Variants in GTF2F2 observed in about 807,000 individuals in gnomAD.
The protein encoded by GTF2F2 is ATP-dependent helicase GTF2F2.
A neutral mutation model predicts 42.2 loss-of-function variants in GTF2F2; 23 were observed. The observed-to-expected ratio is 0.55, with a 90% confidence interval of 0.39 to 0.77. The LOEUF (loss-of-function observed/expected upper bound fraction) is 0.77. GTF2F2 is among the 30% of genes least tolerant of loss of function. The pLI is 0.00. For synonymous variants in GTF2F2, 105 were observed against 100.8 expected, an observed-to-expected ratio of 1.04 and a Z score of -0.25; for missense variants, 261 against 287.2, an observed-to-expected ratio of 0.91 and a Z score of 0.66.
chr13:45,190,767 T>C (rs1008181813), intron 4 of GTF2F2, among the ~76,000 whole-genome samples: 1 of 152,126 alleles, frequency 6.6e-6, no homozygotes, highest in South Asian at 2.1e-4. Context: ...TTTTGTTTTT[T>C]TTGAGACAGA....
chr13:45,193,555 A>G, intron 4 of GTF2F2: 2 of 471,206 alleles, frequency 4.2e-6, no homozygotes, highest in Non-Finnish European at 7.5e-6. Flanking sequence ...TTTACAGTAT[A>G]TAGAAGGTTA....
chr13:45,264,484 G>C (rs1242537622), intron 6 of GTF2F2, among the ~76,000 whole-genome samples: 1 of 151,758 alleles, frequency 6.6e-6, no homozygotes, highest in African/African-American at 2.4e-5. Context: ...TGGCCGTGCT[G>C]GTCTTGAACT....
In GTF2F2 at chr13:45,194,144, A is replaced by G. The variant is rs1484545008; in HGVS notation, c.305-13280A>G. On this transcript the variant is annotated intron_variant, in intron 4 of 7. Coordinates refer to ENST00000340473, the MANE Select transcript of GTF2F2 (RefSeq NM_004128.3). ...TCGTGGTTATCTGTTATTTCCAAGA[A>G]AGTAGTCTCTCTGGGTGTTAGCTGT... 1.9e-6 allele frequency: 3 copies of G among 1,613,984 alleles called. No homozygotes were observed. The African/African-American group carries it at 4.0e-5, about 22-fold the overall frequency.
chr13:45,229,525 T>G (rs1032271259), intron 5 of GTF2F2, among the ~76,000 whole-genome samples: 28 of 152,234 alleles, frequency 1.8e-4, no homozygotes, highest in Non-Finnish European at 2.6e-4. Flanking sequence ...AGGCTTTTTT[T>G]GGGGATAGAA....
chr13:45,159,230 C>T (rs1870915797), intron 4 of GTF2F2, among the ~76,000 whole-genome samples: 1 of 152,188 alleles, frequency 6.6e-6, no homozygotes, highest in African/African-American at 2.4e-5. Context: ...TGACTAAGAA[C>T]ATACTAGTTT....
At chr13:45,255,012 C>G (rs995725090) in intron 6 of GTF2F2, among the ~76,000 whole-genome samples, 1 of 151,722 alleles carries the variant, frequency 6.6e-6, no homozygotes, top group African/African-American at 2.4e-5. Flanking sequence ...ACTAAAAATA[C>G]AAAAATTAGC....
intron 5 of GTF2F2, among the ~76,000 whole-genome samples, chr13:45,237,642 C>T (rs1660101285): frequency 6.6e-6 from 1 of 152,326 alleles, no homozygotes; most frequent in Non-Finnish European, 1.5e-5. Context: ...ACCAAGGTCA[C>T]ACCTAGGGAT....
chr13:45,253,140 C>T (rs1189366846), intron 6 of GTF2F2, among the ~76,000 whole-genome samples, 170 bp downstream of exon 6: 2 of 151,676 alleles, frequency 1.3e-5, no homozygotes, highest in Non-Finnish European at 2.9e-5. Flanking sequence ...GCTAAAAGTA[C>T]AGAAAAGATG....
At chr13:45,167,883 T>C (rs1871371991) in intron 4 of GTF2F2, among the ~76,000 whole-genome samples, 1 of 152,172 alleles carries the variant, frequency 6.6e-6, no homozygotes. Flanking sequence ...AAAGAACCTT[T>C]CTTGAGAATA....
chr13:45,148,199 C>T (rs964378267), intron 2 of GTF2F2, among the ~76,000 whole-genome samples: 2 of 152,116 alleles, frequency 1.3e-5, no homozygotes, highest in Admixed American at 1.3e-4. Context: ...ATTGGTCTTC[C>T]TATCTCTAGT....
At chr13:45,278,827 T>C (rs1412595061) in intron 7 of GTF2F2, among the ~76,000 whole-genome samples, 1 of 136,252 alleles carries the variant, frequency 7.3e-6, no homozygotes, top group South Asian at 2.5e-4. Context: ...TTTTTTTTTT[T>C]TTTTTTTTTT....
intron 4 of GTF2F2, among the ~76,000 whole-genome samples, chr13:45,198,162 G>A (rs1460894414): frequency 1.3e-5 from 2 of 152,136 alleles, no homozygotes; most frequent in Non-Finnish European, 2.9e-5. Context: ...CTAAACTCTG[G>A]CAGAACCTTC....
intron 4 of GTF2F2, among the ~76,000 whole-genome samples, chr13:45,197,028 G>GT (rs1277960739): frequency 2.6e-5 from 4 of 151,710 alleles, no homozygotes; most frequent in South Asian, 2.1e-4. Context: ...CTCCTTGATT[G>GT]TTTTTTCTCA....
At chr13:45,136,710 A>C (rs1476553504) in intron 1 of GTF2F2, 23 bp from the exon 2 acceptor site, 1 of 1,265,298 alleles carries the variant, frequency 7.9e-7, no homozygotes, top group Non-Finnish European at 1.1e-6. Context: ...AAATAGACTT[A>C]TTAGTGTTTT....
rs1415251131 is a variant in GTF2F2, at chr13:45,180,059, T to TA, written c.305-27364dup. 2.6e-5 allele frequency among the ~76,000 whole-genome samples: 4 copies of TA among 152,194 alleles called. No homozygotes were observed. The East Asian group carries it at 7.7e-4, about 29-fold the overall frequency. ...TTTTGACAATCTATCAATTCTCTGT[T>TA]ACGAAAATTTTGAAAATTATAATCC... On this transcript the variant is annotated intron_variant, in intron 4 of 7. Transcript: ENST00000340473.
At position 45,173,369 on chromosome 13, in the gene GTF2F2, CTG is replaced by C. The variant is rs374858973; in HGVS notation, c.304+21564_304+21565del. Among the ~76,000 whole-genome samples the C allele has an allele frequency of 7.4e-3, 1,086 of 147,010 alleles. 9 individuals are homozygous for C. Among genetic ancestry groups the C allele is most frequent in the African/African-American group, 0.019 (772 of 39,902 alleles). On this transcript the variant is annotated intron_variant, in intron 4 of 7. Transcript: ENST00000340473. ...TTTCCCTAGTTTTACTTGTACTTAA[CTG>C]TGTGTGTGTGTGTGTGTGTGTGTGT...
At chr13:45,174,263 T>G (rs991816046) in intron 4 of GTF2F2, among the ~76,000 whole-genome samples, 1 of 152,226 alleles carries the variant, frequency 6.6e-6, no homozygotes, top group Non-Finnish European at 1.5e-5. Context: ...CAAGTTAAAT[T>G]TAATACATAA....
At chr13:45,122,879 A>G (rs1405194327) in intron 1 of GTF2F2, among the ~76,000 whole-genome samples, 4 of 152,214 alleles carry the variant, frequency 2.6e-5, no homozygotes, top group Non-Finnish European at 5.9e-5. Context: ...AGACAGGTAT[A>G]GAACTGTGTA....
intron 5 of GTF2F2, among the ~76,000 whole-genome samples, chr13:45,230,940 T>G (rs1874645058): frequency 1.3e-5 from 2 of 152,086 alleles, no homozygotes; most frequent in Admixed American, 6.5e-5. Context: ...TTTGCAGCTT[T>G]TGTTTTTTAT....
Sources: gnomAD v4.1 joint callset for allele counts (sites outside exome capture counted in the v4.1 genomes callset) on GRCh38, gnomAD v4.1.1 for gene constraint, MANE v1.5 for transcripts, NCBI Gene and HGNC (gene_info 2026-07-23, HGNC 2026-07-21) for gene names.